ZAN: variants seen among roughly 807,000 people sequenced by gnomAD.
ZAN encodes zonadhesin, also known as zonadhesin (gene/pseudogene).
In ZAN, 260 loss-of-function variants were observed where a neutral mutation model predicts 286.2. The observed-to-expected ratio is 0.91, with a 90% CI of 0.82 to 1.01. ZAN has a LOEUF of 1.01. ZAN is among the 50% of genes least tolerant of loss of function. ZAN has a pLI of 0.00. For synonymous variants in ZAN, 1,368 were observed against 1,417.5 expected (o/e 0.97, Z 0.79); for missense variants, 3,410 against 3,639.2 (o/e 0.94, Z 1.62).
Position 100,753,069 on chromosome 7 carries a change from A to G in ZAN, c.2964A>G (p.Glu988=), listed in dbSNP as rs1381933732. 1 of 1,613,858 alleles carries G rather than the reference A, an allele frequency of 6.2e-7. No individual in the cohort carries two copies. The highest frequency in any genetic ancestry group is 8.5e-7 in the Non-Finnish European group (1 of 1,179,888). ...CGGAAAAACCCACCATCCCCACAGA[A>G]AAACCCACCATTCCCACAGAGAAGC... is the stretch of plus-strand genomic sequence containing the variant. ...IPTEKPTIPT[E]KPTIPTEKLT... Residue 988 remains glutamate (E), a synonymous_variant, in exon 14 of 48, where the codon GAA becomes GAG. Coordinates refer to ENST00000613979, the MANE Select transcript of ZAN (RefSeq NM_003386.3).
Position 100,748,125 on chromosome 7 carries a change from C to T in ZAN, c.1024-12C>T, listed in dbSNP as rs1808356933. On this transcript the variant is annotated splice_polypyrimidine_tract_variant and intron_variant, in intron 9 of 47. Coordinates refer to ENST00000613979, the MANE Select transcript of ZAN (RefSeq NM_003386.3). ...GTGTGCTCACTCCTGCTCCATCTCC[C>T]TTTCTCTCCAGTTTGCCGTGGTAGG... 3.7e-6 allele frequency: 6 copies of T among 1,613,334 alleles called. No individual in the cohort carries two copies. Among genetic ancestry groups the T allele is most frequent in the Non-Finnish European group, 5.1e-6 (6 of 1,179,434 alleles).
At chr7:100,760,298 G>C in intron 18 of ZAN, 93 bp from the exon 19 acceptor site, 7 of 1,508,222 alleles carry the variant, frequency 4.6e-6, no homozygotes, top group Non-Finnish European at 6.4e-6. Flanking sequence ...GCTGTGGATG[G>C]TGTCCTGCCT....
intron 7 of ZAN, among the ~76,000 whole-genome samples, chr7:100,739,943 G>A (rs1327139468): frequency 7.0e-6 from 1 of 141,920 alleles, no homozygotes; most frequent in Non-Finnish European, 1.6e-5. Flanking sequence ...TAGGCGTTGA[G>A]CCACTGTGCC....
intron 17 of ZAN, among the ~76,000 whole-genome samples, chr7:100,759,289 C>T (rs1286709145): frequency 6.6e-6 from 1 of 151,590 alleles, no homozygotes; most frequent in African/African-American, 2.4e-5. Context: ...ACCTATAGTC[C>T]CAGCTAGTCG....
In ZAN at chr7:100,763,675, C is replaced by T. The variant is rs1809742069; in HGVS notation, c.3987-131C>T. 1 of 871,822 alleles carries T rather than the reference C, an allele frequency of 1.1e-6. No individual in the cohort carries two copies. Among genetic ancestry groups the T allele is most frequent in the Non-Finnish European group, 1.9e-6 (1 of 535,622 alleles). The allele number at this position is 871,822 out of a possible 1,614,324, so 54.0% of individuals were successfully genotyped here. On this transcript the variant is annotated intron_variant, in intron 20 of 47. Coordinates refer to ENST00000613979, the MANE Select transcript of ZAN (RefSeq NM_003386.3). This position sits in a 1 kb window ranked among gnomAD's most constrained non-coding sequence, Gnocchi z 4.6. Reference sequence around the variant, plus strand: ...TGGCCAGGGCTCAGTGGTCAAACATCCTCTGGGAGGGGTTTCCCAGCTGAC... The same window carrying T: ...TGGCCAGGGCTCAGTGGTCAAACATTCTCTGGGAGGGGTTTCCCAGCTGAC...
chr7:100,744,657 C>G (rs1040483474), intron 7 of ZAN, among the ~76,000 whole-genome samples: 2 of 151,220 alleles, frequency 1.3e-5, no homozygotes, highest in Non-Finnish European at 2.9e-5. Context: ...AGCCCTGGCC[C>G]CACCTTCACT....
At position 100,792,120 on chromosome 7, in the gene ZAN, C is replaced by T. The variant is rs367935542; in HGVS notation, c.7684C>T (p.Gln2562Ter). ...CCAGGGCCCCTTTGCTGCCTGTCACCAGACGGTGGCCCCAGAGCCCTTCCA... is the reference window on the plus strand; with the variant it reads ...CCAGGGCCCCTTTGCTGCCTGTCACTAGACGGTGGCCCCAGAGCCCTTCCA... ...DPQGPFAACH[Q>*]TVAPEPFQEH... Residue 2562 changes from glutamine to a stop codon, truncating the protein, a stop_gained, in exon 41 of 48, where the codon CAG (glutamine) becomes TAG (stop). Coordinates refer to ENST00000613979, the MANE Select transcript of ZAN (RefSeq NM_003386.3). LOFTEE classifies it high-confidence loss of function. 7 of 1,611,472 alleles carry T rather than the reference C, an allele frequency of 4.3e-6. No homozygotes were observed. The South Asian group carries it at 7.7e-5, about 18-fold the overall frequency.
chr7:100,758,813 T>C (rs1809343905), intron 17 of ZAN, among the ~76,000 whole-genome samples, 163 bp downstream of exon 17: 2 of 151,998 alleles, frequency 1.3e-5, no homozygotes, highest in Non-Finnish European at 2.9e-5. Context: ...CCAGGCACAG[T>C]GACTCACACT....
At chr7:100,777,091 TG>T (rs1480352073) in intron 34 of ZAN, among the ~76,000 whole-genome samples, 2 of 150,876 alleles carry the variant, frequency 1.3e-5, no homozygotes, top group Non-Finnish European at 2.9e-5. Flanking sequence ...TCACCCAGGC[TG>T]GAGTGCAGTG....
Position 100,753,088 on chromosome 7 carries a change from G to A in ZAN, c.2983G>A (p.Glu995Lys), listed in dbSNP as rs1266124147. 6.2e-7 allele frequency: 1 copy of A among 1,613,956 alleles called. No individual in the cohort carries two copies. Among genetic ancestry groups the A allele is most frequent in the South Asian group, 1.1e-5 (1 of 91,080 alleles). ...CACAGAAAAACCCACCATTCCCACAGAGAAGCTCACAGCCCTGAGGCCACC... is the reference window on the plus strand; with the variant it reads ...CACAGAAAAACCCACCATTCCCACAAAGAAGCTCACAGCCCTGAGGCCACC... ...IPTEKPTIPT[E>K]KLTALRPPHP... The change falls in exon 14 of 48, where the codon GAG becomes AAG. Residue 995 changes from glutamate (E) to lysine (K), a missense_variant. Coordinates refer to ENST00000613979, the MANE Select transcript of ZAN (RefSeq NM_003386.3).
intron 28 of ZAN, among the ~76,000 whole-genome samples, chr7:100,770,631 A>G (rs1810309979): frequency 6.6e-6 from 1 of 151,574 alleles, no homozygotes; most frequent in Non-Finnish European, 1.5e-5. Context: ...GACAGGCATA[A>G]GCCACCACGC....
At position 100,736,883 on chromosome 7, in the gene ZAN, T is replaced by C. The variant is rs1584541052; in HGVS notation, c.328T>C (p.Trp110Arg). ...GVARLLSPDL[W>R]EQGPLCVHFA... ...GGCCCGCCTGCTCAGCCCCGACCTA[T>C]GGGAGCAAGGCCCCCTCTGTGTGCA... The change falls in exon 5 of 48, where the codon TGG becomes CGG. Residue 110 changes from tryptophan (W) to arginine (R), a missense_variant. Around this residue, in one of 7 missense-constraint regions of ZAN, gnomAD observed 872 missense variants for 938.9 expected, o/e 0.93. Coordinates refer to ENST00000613979, the MANE Select transcript of ZAN (RefSeq NM_003386.3). 1 of 1,487,790 alleles carries C rather than the reference T, an allele frequency of 6.7e-7. No homozygotes were observed. The highest frequency in any genetic ancestry group is 2.4e-5 in the East Asian group (1 of 42,140). The allele number at this position is 1,487,790 out of a possible 1,614,324, so 92.2% of individuals were successfully genotyped here. A position where few individuals can be genotyped will look rare whatever the true frequency, so the allele number is the denominator to read the frequency against.
rs1811692316 is a variant in ZAN, at chr7:100,788,077, G to A, written c.7168G>A (p.Glu2390Lys). 2.5e-6 allele frequency: 4 copies of A among 1,584,048 alleles called. No individual in the cohort carries two copies. The highest frequency in any genetic ancestry group is 3.4e-4 in the Middle Eastern group (2 of 5,902). ...DPPRSSIFLQ[E>K]VITTVYGYKV... ...GCCCAGGAGCTCCATCTTCTTGCAG[G>A]AAGTGATTACCACCGTCTACGGCTA... Residue 2390 changes from glutamate (E) to lysine (K), a missense_variant, in exon 38 of 48, where the codon GAA (glutamate) becomes AAA (lysine). Glu to Lys is a moderately conservative substitution (Grantham distance 56, BLOSUM62 1). Around this residue, in one of 7 missense-constraint regions of ZAN, gnomAD observed 1,289 missense variants for 1,314.3 expected, o/e 0.98. Coordinates refer to ENST00000613979, the MANE Select transcript of ZAN (RefSeq NM_003386.3).
chr7:100,779,693 G>A lies in ZAN; in HGVS notation c.6565G>A (p.Ala2189Thr). ...ALCQALQAFG[A>T]TCQSQGLKPP... Reference sequence around the variant, plus strand: ...CTGCCAGGCTCTGCAAGCCTTCGGGGCCACCTGCCAGAGCCAGGGGCTCAA... The same window carrying A: ...CTGCCAGGCTCTGCAAGCCTTCGGGACCACCTGCCAGAGCCAGGGGCTCAA... Residue 2189 changes from alanine to threonine, a missense_variant, in exon 35 of 48, where the codon GCC (alanine) becomes ACC (threonine). By Grantham distance (58) the Ala-to-Thr change is moderately conservative (BLOSUM62 0). Transcript: ENST00000613979. 1 of 1,560,816 alleles carries A rather than the reference G, an allele frequency of 6.4e-7. No homozygotes were observed. Among genetic ancestry groups the A allele is most frequent in the South Asian group, 1.2e-5 (1 of 84,752 alleles).
intron 11 of ZAN, among the ~76,000 whole-genome samples, chr7:100,749,533 G>C (rs569446506): frequency 1.3e-5 from 2 of 150,062 alleles, no homozygotes; most frequent in Non-Finnish European, 3.0e-5. Flanking sequence ...CCAGCTACTC[G>C]GGAGGCTGAG....
Position 100,776,559 on chromosome 7 carries a change from C to A in ZAN, c.6312C>A (p.Asp2104Glu). The change falls in exon 34 of 48, where the codon GAC becomes GAA. Residue 2104 changes from aspartate (D) to glutamate (E), a missense_variant. By Grantham distance (45) the Asp-to-Glu change is conservative. Around this residue, in one of 7 missense-constraint regions of ZAN, gnomAD observed 1,289 missense variants for 1,314.3 expected, o/e 0.98. Coordinates refer to ENST00000613979, the MANE Select transcript of ZAN (RefSeq NM_003386.3). The stretch of plus-strand genomic sequence containing the variant: ...ACAGTTGGAAAGATAAGGACATTGA[C>A]CCAAGGTAGTGGTCCCCTAAGACCC... ...FVNSWKDKDIDPSCQSLLVDE... is the reference protein window; with the variant it reads ...FVNSWKDKDIEPSCQSLLVDE... 6.4e-7 allele frequency: 1 copy of A among 1,553,810 alleles called. No individual in the cohort carries two copies. The highest frequency in any genetic ancestry group is 2.4e-5 in the East Asian group (1 of 41,218).
chr7:100,785,500 A>T (rs1180908924), intron 36 of ZAN, among the ~76,000 whole-genome samples: 3 of 151,410 alleles, frequency 2.0e-5, no homozygotes, highest in Non-Finnish European at 1.5e-5. Context: ...CAAAGTACTA[A>T]GATTACAGGT....
intron 37 of ZAN, 64 bp from the exon 38 acceptor site, chr7:100,787,824 AG>A (rs1375191794): frequency 7.2e-7 from 1 of 1,381,160 alleles, no homozygotes; most frequent in Non-Finnish European, 9.5e-7. Flanking sequence ...GGCCTCCCAA[AG>A]TCCTGGGATT....
chr7:100,750,816 T>C lies in ZAN; in HGVS notation c.1441T>C (p.Trp481Arg), dbSNP rs751306946. Residue 481 changes from tryptophan to arginine, a missense_variant, in exon 12 of 48, where the codon TGG becomes CGG. By Grantham distance (101) the Trp-to-Arg change is moderately radical (BLOSUM62 -3). Around this residue, in one of 7 missense-constraint regions of ZAN, gnomAD observed 872 missense variants for 938.9 expected, o/e 0.93. Transcript: ENST00000613979. ...TGCGGGGAGTCCCCCGATTCCTCTC[T>C]GGAAACGCGTGGGGTCTCAGCGCCC... ...SPAGSPPIPL[W>R]KRVGSQRPYW... 2.5e-6 allele frequency: 4 copies of C among 1,605,236 alleles called. No individual in the cohort carries two copies. Among genetic ancestry groups the C allele is most frequent in the Non-Finnish European group, 3.4e-6 (4 of 1,174,630 alleles).
Sources: allele counts gnomAD v4.1 joint callset (sites outside exome capture counted in the v4.1 genomes callset), GRCh38; gene constraint gnomAD v4.1.1; regional missense constraint gnomAD v4.1.1; non-coding constraint Gnocchi (gnomAD v3.1); transcripts MANE v1.5; gene names NCBI Gene and HGNC (gene_info 2026-07-23, HGNC 2026-07-21).